Variants in PCDHA13 observed in about 807,000 individuals in gnomAD.
PCDHA13 encodes protocadherin alpha 13.
PCDHA13 carries 54 observed loss-of-function variants against 64.8 expected under a neutral mutation model. The observed-to-expected ratio is 0.83, with a 90% CI of 0.67 to 1.04. The LOEUF is 1.04. Ranked by LOEUF, PCDHA13 falls within the 50% of genes least tolerant of loss-of-function variation. The pLI is 0.00. For synonymous variants in PCDHA13, 587 were observed against 564.4 expected, an observed-to-expected ratio of 1.04 and a Z score of -0.57; for missense variants, 1,248 against 1,254.3, an observed-to-expected ratio of 0.99 and a Z score of 0.08.
At chr5:141,009,271 A>G (rs1420991909) in intron 3 of PCDHA13, among the ~76,000 whole-genome samples, 15 of 152,156 alleles carry the variant, frequency 9.9e-5, no homozygotes, top group Admixed American at 6.5e-4. Context: ...CCTGGGCAAC[A>G]TAGTGAGATC....
intron 1 of PCDHA13, among the ~76,000 whole-genome samples, chr5:140,938,703 T>A: frequency 6.6e-6 from 1 of 152,170 alleles, no homozygotes; most frequent in East Asian, 1.9e-4. Flanking sequence ...AAATATATGT[T>A]TATGATAGAA....
At chr5:140,992,332 A>G (rs1554252819) in intron 3 of PCDHA13, among the ~76,000 whole-genome samples, 1 of 152,202 alleles carries the variant, frequency 6.6e-6, no homozygotes, top group African/African-American at 2.4e-5. Context: ...TCTAAGAGCA[A>G]AGATGGAAAT....
intron 1 of PCDHA13, among the ~76,000 whole-genome samples, chr5:140,964,396 G>A (rs2095829712): frequency 6.6e-6 from 1 of 152,188 alleles, no homozygotes; most frequent in South Asian, 2.1e-4. Flanking sequence ...TTTCTCCCAA[G>A]ACATGACATT....
Position 140,884,243 on chromosome 5 carries a change from C to A in PCDHA13, c.1975C>A (p.Leu659Met). 1 of 1,613,466 alleles carries A rather than the reference C, an allele frequency of 6.2e-7. No homozygotes were observed. The highest frequency in any genetic ancestry group is 8.5e-7 in the Non-Finnish European group (1 of 1,179,712). The change falls in exon 1 of 4, where the codon CTG becomes ATG. Residue 659 changes from leucine to methionine, a missense_variant. By Grantham distance (15) the Leu-to-Met change is conservative. Transcript: ENST00000289272. ...VLVKDHGEPA[L>M]TATATVLLSL... ...GGTGAAGGACCACGGTGAGCCCGCG[C>A]TGACGGCCACGGCAACGGTGCTGTT...
At chr5:140,978,499 T>A (rs1178288273) in intron 1 of PCDHA13, among the ~76,000 whole-genome samples, 1 of 152,238 alleles carries the variant, frequency 6.6e-6, no homozygotes, top group African/African-American at 2.4e-5. Flanking sequence ...AGCAGCAGAT[T>A]GCAGTCCTCT....
At chr5:140,923,373 T>A (rs1354356076) in intron 1 of PCDHA13, among the ~76,000 whole-genome samples, 4 of 152,048 alleles carry the variant, frequency 2.6e-5, no homozygotes, top group South Asian at 2.1e-4. Flanking sequence ...AAAATATTTT[T>A]AAAAATTAGT....
intron 3 of PCDHA13, among the ~76,000 whole-genome samples, chr5:140,999,049 A>C (rs962383659): frequency 1.3e-5 from 2 of 152,214 alleles, no homozygotes; most frequent in African/African-American, 4.8e-5. Flanking sequence ...TGTGCTTTCC[A>C]CCATGCCTAA....
intron 1 of PCDHA13, among the ~76,000 whole-genome samples, chr5:140,941,226 T>TCTTTCTTTCTTTCTTTCTTTCTTC (rs2092915713): frequency 1.5e-5 from 2 of 135,514 alleles, no homozygotes; most frequent in Admixed American, 7.6e-5. Flanking sequence ...TTTCTTTCTT[T>TCTTTCTTTCTTTCTTTCTTTCTTC]CTTTCTTTCT....
At chr5:140,960,934 A>G (rs1429908471) in intron 1 of PCDHA13, among the ~76,000 whole-genome samples, 3 of 152,236 alleles carry the variant, frequency 2.0e-5, no homozygotes, top group Admixed American at 1.3e-4. Context: ...TACTAAGTTT[A>G]GTGAATTAGA....
intron 1 of PCDHA13, among the ~76,000 whole-genome samples, chr5:140,976,735 T>G (rs1412647375): frequency 1.3e-5 from 2 of 152,160 alleles, no homozygotes; most frequent in Non-Finnish European, 2.9e-5. Flanking sequence ...TTAAACACAT[T>G]TTAAAAACCT....
intron 1 of PCDHA13, among the ~76,000 whole-genome samples, chr5:140,898,095 T>C (rs1196262591): frequency 7.9e-5 from 12 of 152,170 alleles, no homozygotes; most frequent in Non-Finnish European, 1.6e-4. Flanking sequence ...ATTAGCCCTT[T>C]GTCAGATGAG....
intron 3 of PCDHA13, among the ~76,000 whole-genome samples, chr5:141,001,711 A>G (rs1167965864): frequency 1.3e-5 from 2 of 152,222 alleles, no homozygotes; most frequent in South Asian, 2.1e-4. Context: ...GGGGGCGGGG[A>G]AGGAGCTTGA....
At chr5:140,986,524 G>GAACT (rs1403082336) in intron 3 of PCDHA13, among the ~76,000 whole-genome samples, 2 of 152,198 alleles carry the variant, frequency 1.3e-5, no homozygotes, top group Non-Finnish European at 2.9e-5. Flanking sequence ...GCCTGTGAGG[G>GAACT]AACTGGCCTG....
intron 1 of PCDHA13, among the ~76,000 whole-genome samples, chr5:140,970,131 A>G (rs1554232260): frequency 6.6e-6 from 1 of 152,186 alleles, no homozygotes; most frequent in Non-Finnish European, 1.5e-5. Context: ...GAAGGAAGAG[A>G]AGGGAAAAAG....
intron 1 of PCDHA13, among the ~76,000 whole-genome samples, chr5:140,931,396 G>A (rs1554208395): frequency 1.3e-5 from 2 of 152,118 alleles, no homozygotes; most frequent in Non-Finnish European, 2.9e-5. Context: ...ATAAGTAAGC[G>A]ATAGGAAGGC....
chr5:140,902,963 G>T (rs2069893804), intron 1 of PCDHA13, among the ~76,000 whole-genome samples: 1 of 152,180 alleles, frequency 6.6e-6, no homozygotes, highest in Non-Finnish European at 1.5e-5. Context: ...CTTGTTGGCT[G>T]ATGGGCATTT....
At chr5:140,908,958 T>C (rs555962129) in intron 1 of PCDHA13, among the ~76,000 whole-genome samples, 2 of 152,268 alleles carry the variant, frequency 1.3e-5, no homozygotes, top group East Asian at 3.9e-4. Context: ...AGAAGGAATA[T>C]CTTGATAGGC....
At position 140,987,445 on chromosome 5, in the gene PCDHA13, G is replaced by A. The variant is rs141923390; in HGVS notation, c.2542+4882G>A. Among the ~76,000 whole-genome samples, 799 of 152,220 alleles carry A rather than the reference G, an allele frequency of 5.2e-3. 4 individuals carry two copies. The highest frequency in any genetic ancestry group is 0.018 in the African/African-American group (765 of 41,528). On this transcript the variant is annotated intron_variant, in intron 3 of 3. Transcript: ENST00000289272. ...AAGCAGGGGGCCTTTCCCCATGCCC[G>A]AGAGATAATTGTTAAGAGCTCAAGC...
intron 3 of PCDHA13, among the ~76,000 whole-genome samples, chr5:140,993,609 T>C (rs1554253871): frequency 6.6e-6 from 1 of 152,078 alleles, no homozygotes; most frequent in African/African-American, 2.4e-5. Flanking sequence ...GAGAATTTTG[T>C]TGGGACCCTC....
Sources: allele counts gnomAD v4.1 joint callset (sites outside exome capture counted in the v4.1 genomes callset), GRCh38; gene constraint gnomAD v4.1.1; transcripts MANE v1.5; gene names NCBI Gene and HGNC (gene_info 2026-07-23, HGNC 2026-07-21).